PSMD1: variants seen among roughly 807,000 people sequenced by gnomAD.
PSMD1 encodes proteasome 26S subunit, non-ATPase 1.
Under a neutral mutation model 119.0 loss-of-function variants are expected in PSMD1, and 18 were observed. The ratio of observed to expected loss-of-function variants is 0.15; its 90% CI spans 0.10 to 0.22. The LOEUF (loss-of-function observed/expected upper bound fraction) is 0.22. Ranked by LOEUF, PSMD1 falls within the 10% of genes least tolerant of loss-of-function variation. The probability of loss-of-function intolerance (pLI) is 1.00; values close to 1 mark genes in which losing one functional copy is unlikely to be tolerated. For missense variants in PSMD1, 702 were observed against 1,158.5 expected (o/e 0.61, Z 5.72); for synonymous variants, 374 against 396.6 (o/e 0.94, Z 0.68).
At chr2:231,140,998 T>C (rs1037446045) in intron 17 of PSMD1, among the ~76,000 whole-genome samples, 2 of 151,108 alleles carry the variant, frequency 1.3e-5, no homozygotes, top group African/African-American at 2.4e-5. Context: ...GTGAAACCCC[T>C]TCTCTACTAA....
intron 12 of PSMD1, among the ~76,000 whole-genome samples, chr2:231,081,813 C>T (rs1694315429): frequency 6.6e-6 from 1 of 152,222 alleles, no homozygotes; most frequent in South Asian, 2.1e-4. Flanking sequence ...TTTTCAACCA[C>T]TTTCTTCACA....
chr2:231,159,551 C>T (rs970429883), intron 19 of PSMD1, among the ~76,000 whole-genome samples: 3 of 152,164 alleles, frequency 2.0e-5, no homozygotes, highest in Admixed American at 2.0e-4. Flanking sequence ...GCTTCAGTCC[C>T]CACTGCTCCC....
chr2:231,159,498 C>T (rs2125265299), intron 19 of PSMD1, among the ~76,000 whole-genome samples: 1 of 152,346 alleles, frequency 6.6e-6, no homozygotes, highest in South Asian at 2.1e-4. Context: ...CCTACACCCC[C>T]AGTAACAAGC....
At chr2:231,141,568 C>T (rs115050870) in intron 17 of PSMD1, among the ~76,000 whole-genome samples, 2,613 of 151,544 alleles carry the variant, frequency 0.017, 39 homozygotes, top group Middle Eastern at 0.027. Flanking sequence ...AAACGCATAC[C>T]ACCATGCCAG....
At chr2:231,091,119 C>G (rs1694578888) in intron 16 of PSMD1, among the ~76,000 whole-genome samples, 1 of 152,132 alleles carries the variant, frequency 6.6e-6, no homozygotes, top group African/African-American at 2.4e-5. Flanking sequence ...AGTTAGCCGC[C>G]TCTATAAGCC....
At chr2:231,155,077 AGAG>A (rs1489016971) in intron 19 of PSMD1, among the ~76,000 whole-genome samples, 51 of 152,352 alleles carry the variant, frequency 3.3e-4, no homozygotes, top group Non-Finnish European at 4.3e-4. Context: ...CAATAGGATA[AGAG>A]GAGAAGAGCA....
intron 1 of PSMD1, among the ~76,000 whole-genome samples, chr2:231,059,480 A>G (rs1693702774): frequency 6.6e-6 from 1 of 152,198 alleles, no homozygotes; most frequent in South Asian, 2.1e-4. Context: ...AGGTTTGACT[A>G]TGCAGGGGAA....
chr2:231,139,072 A>T, intron 17 of PSMD1: 1 of 572,980 alleles, frequency 1.7e-6, no homozygotes. Flanking sequence ...TAACTGAAAC[A>T]GTGCTTTTGA....
At chr2:231,078,790 T>A in intron 10 of PSMD1, 43 bp downstream of exon 10, 3 of 1,117,278 alleles carry the variant, frequency 2.7e-6, no homozygotes, top group Non-Finnish European at 3.8e-6. Context: ...AAAATCTTTT[T>A]CTTTTTTTTT....
intron 16 of PSMD1, among the ~76,000 whole-genome samples, chr2:231,128,512 C>A (rs1053490275): frequency 2.0e-5 from 3 of 152,184 alleles, no homozygotes; most frequent in African/African-American, 7.2e-5. Flanking sequence ...CTTCTGACTG[C>A]CTGTTATTTT....
rs200831520 is a variant in PSMD1, at chr2:231,062,480, G to T, written c.135-26G>T. ...TTAGGGAAAACCACAGTTTGAACTA[G>T]ACCTGTACTTCCTAATTTCTTTCAG... is the stretch of plus-strand genomic sequence containing the variant. On this transcript the variant is annotated intron_variant, in intron 3 of 24. Coordinates refer to ENST00000308696, the MANE Select transcript of PSMD1 (RefSeq NM_002807.4). 473 of 1,577,234 alleles carry T rather than the reference G, an allele frequency of 3.0e-4. 1 individual carries two copies. Among genetic ancestry groups the T allele is most frequent in the Non-Finnish European group, 3.9e-4 (456 of 1,164,062 alleles).
chr2:231,165,335 C>A, intron 22 of PSMD1, 49 bp downstream of exon 22: 1 of 1,504,674 alleles, frequency 6.6e-7, no homozygotes, highest in South Asian at 1.2e-5. Context: ...CTGTCTCTGT[C>A]ATGGTCGAGA....
At chr2:231,109,200 G>T (rs758905196) in intron 16 of PSMD1, 4 of 1,614,198 alleles carry the variant, frequency 2.5e-6, no homozygotes, top group East Asian at 4.5e-5. Context: ...CGTTGAGGTG[G>T]CTTGTTTTTG....
chr2:231,108,762 C>A lies in PSMD1; in HGVS notation c.1883+21581C>A. 3 of 1,614,070 alleles carry A rather than the reference C, an allele frequency of 1.9e-6. No homozygotes were observed. The South Asian group carries it at 3.3e-5, about 18-fold the overall frequency. Reference sequence around the variant, plus strand: ...CTGAGAGTTTTTACTGACTTTGTGGCCCGGTAATTGCAGGTGATATATCGG... The same window carrying A: ...CTGAGAGTTTTTACTGACTTTGTGGACCGGTAATTGCAGGTGATATATCGG... On this transcript the variant is annotated intron_variant, in intron 16 of 24. Transcript: ENST00000308696.
intron 5 of PSMD1, 123 bp from the exon 6 acceptor site, chr2:231,069,902 A>G: frequency 1.5e-6 from 1 of 686,836 alleles, no homozygotes; most frequent in Non-Finnish European, 2.1e-6. Flanking sequence ...GTATTGCTTA[A>G]GAGGTCTAAA....
chr2:231,085,836 T>C (rs1694418270), intron 15 of PSMD1, among the ~76,000 whole-genome samples: 1 of 152,204 alleles, frequency 6.6e-6, no homozygotes, highest in Non-Finnish European at 1.5e-5. Context: ...TAGGTTTTTA[T>C]CATCGTGGTG....
Position 231,085,110 on chromosome 2 carries a change from T to C in PSMD1, c.1814T>C (p.Val605Ala). 6.2e-7 allele frequency: 1 copy of C among 1,612,522 alleles called. No individual in the cohort carries two copies. The highest frequency in any genetic ancestry group is 8.5e-7 in the Non-Finnish European group (1 of 1,178,534). The change falls in exon 15 of 25, where the codon GTT becomes GCT. Residue 605 changes from valine to alanine, a missense_variant. By Grantham distance (64) the Val-to-Ala change is moderately conservative (BLOSUM62 0). This residue lies in a region of PSMD1 where 272 missense variants were observed against 511.6 expected (regional missense o/e 0.53). Coordinates refer to ENST00000308696, the MANE Select transcript of PSMD1 (RefSeq NM_002807.4). ...NNKAIRRLLH[V>A]AVSDVNDDVR... ...AAAGCAATTCGACGCCTGCTACATG[T>C]TGCTGTAAGTACTCTGACCTTTCTT...
chr2:231,143,444 G>C (rs560061978), intron 17 of PSMD1, among the ~76,000 whole-genome samples: 69 of 152,288 alleles, frequency 4.5e-4, no homozygotes, highest in Admixed American at 4.2e-3. Flanking sequence ...TGGTCAGGCT[G>C]GTCTCGGACT....
chr2:231,107,142 A>G (rs569450349), intron 16 of PSMD1, among the ~76,000 whole-genome samples: 42 of 152,314 alleles, frequency 2.8e-4, no homozygotes, highest in African/African-American at 1.0e-3. Context: ...AATGTGTATG[A>G]TATACTCTTC....
Sources: gnomAD v4.1 joint callset for allele counts (sites outside exome capture counted in the v4.1 genomes callset) on GRCh38, gnomAD v4.1.1 for gene constraint, gnomAD v4.1.1 regional missense constraint, MANE v1.5 for transcripts, NCBI Gene and HGNC (gene_info 2026-07-23, HGNC 2026-07-21) for gene names.